Variants in RFX7 observed in about 807,000 individuals in gnomAD.
RFX7 encodes regulatory factor X7.
RFX7 carries 26 observed loss-of-function variants against 111.8 expected under a neutral mutation model. That is an observed-to-expected ratio of 0.23 (90% CI 0.17 to 0.32). RFX7 has a LOEUF of 0.32. Among genes scored for constraint, RFX7 ranks in the 10% least tolerant of loss-of-function variants. The probability of loss-of-function intolerance (pLI) is 1.00; values close to 1 mark genes in which losing one functional copy is unlikely to be tolerated. For missense variants in RFX7, 1,573 were observed against 1,772.9 expected (o/e 0.89, Z 2.02); for synonymous variants, 624 against 624.4 (o/e 1.00, Z 0.01).
intron 3 of RFX7, among the ~76,000 whole-genome samples, chr15:56,174,961 A>G (rs2141120050): frequency 6.6e-6 from 1 of 152,344 alleles, no homozygotes; most frequent in Non-Finnish European, 1.5e-5. Context: ...CCTATCTCCC[A>G]GAGGTCCTAG....
rs1461791580 is a variant in RFX7 at position 56,090,228 on chromosome 15, T to C, written c.*3117A>G. On this transcript the variant is annotated 3_prime_UTR_variant, in exon 10 of 10. Transcript: ENST00000559447. Reference sequence around the variant, plus strand: ...GAAATATACTTACCTAGGTACTCCATAGGCTAACATTTAAACACTATGTGA... The same window carrying C: ...GAAATATACTTACCTAGGTACTCCACAGGCTAACATTTAAACACTATGTGA... 2 of 152,326 alleles carry C rather than the reference T, an allele frequency of 1.3e-5. No individual in the cohort carries two copies. The highest frequency in any genetic ancestry group is 1.9e-4 in the East Asian group (1 of 5,190). The allele number at this position is 152,326 out of a possible 1,614,324, so 9.4% of individuals were successfully genotyped here.
At chr15:56,235,362 G>C (rs1160075391) in intron 2 of RFX7, among the ~76,000 whole-genome samples, 1 of 152,052 alleles carries the variant, frequency 6.6e-6, no homozygotes, top group Non-Finnish European at 1.5e-5. Flanking sequence ...TTTTAGTAGA[G>C]ACGGGGTTTC....
chr15:56,243,042 T>TAC, intron 2 of RFX7, 83 bp downstream of exon 2: 6 of 543,102 alleles, frequency 1.1e-5, no homozygotes, highest in Non-Finnish European at 2.0e-5. Flanking sequence ...CCTCCTCCGC[T>TAC]CCCCCCGCCC....
chr15:56,201,900 G>A (rs941096526), intron 2 of RFX7, among the ~76,000 whole-genome samples: 79 of 152,158 alleles, frequency 5.2e-4, no homozygotes, highest in African/African-American at 1.6e-3. Flanking sequence ...GCACGGTGGC[G>A]GGCGCCTATA....
At chr15:56,106,709 T>C (rs1446134978) in intron 5 of RFX7, among the ~76,000 whole-genome samples, 2 of 152,198 alleles carry the variant, frequency 1.3e-5, no homozygotes, top group African/African-American at 4.8e-5. Flanking sequence ...ATAGGACACC[T>C]TTCCCCATTA....
intron 2 of RFX7, among the ~76,000 whole-genome samples, chr15:56,237,764 A>G (rs1348239012): frequency 6.6e-6 from 1 of 152,228 alleles, no homozygotes; most frequent in Admixed American, 6.5e-5. Flanking sequence ...GAATTGCTTA[A>G]CTTGCAATTA....
chr15:56,115,427 C>T (rs1246457883), intron 5 of RFX7, among the ~76,000 whole-genome samples: 5 of 152,128 alleles, frequency 3.3e-5, no homozygotes, highest in Non-Finnish European at 7.3e-5. Context: ...ATAGTTGACA[C>T]GTGTGTGGTG....
intron 2 of RFX7, among the ~76,000 whole-genome samples, chr15:56,239,923 T>C (rs1337442185): frequency 6.6e-6 from 1 of 151,712 alleles, no homozygotes; most frequent in East Asian, 1.9e-4. Context: ...CACTAAAAAA[T>C]TTTCACTAAA....
intron 2 of RFX7, among the ~76,000 whole-genome samples, chr15:56,220,916 C>T (rs1391059685): frequency 6.6e-6 from 1 of 152,184 alleles, no homozygotes; most frequent in Non-Finnish European, 1.5e-5. Context: ...GTTATCCTAG[C>T]AACATTTATT....
At chr15:56,233,669 T>TA (rs1204538002) in intron 2 of RFX7, among the ~76,000 whole-genome samples, 1 of 152,122 alleles carries the variant, frequency 6.6e-6, no homozygotes, top group Non-Finnish European at 1.5e-5. Context: ...GAAATGAAAG[T>TA]AAATGAAATG....
intron 2 of RFX7, among the ~76,000 whole-genome samples, chr15:56,198,370 T>C (rs770371668): frequency 6.6e-6 from 1 of 152,138 alleles, no homozygotes; most frequent in Non-Finnish European, 1.5e-5. Flanking sequence ...AACGTATGTC[T>C]AGTTCAGTAT....
intron 5 of RFX7, among the ~76,000 whole-genome samples, chr15:56,142,448 T>G (rs1305696494): frequency 6.6e-6 from 1 of 152,176 alleles, no homozygotes; most frequent in African/African-American, 2.4e-5. Context: ...CCTTCCACTC[T>G]CTAACCCCAG....
intron 5 of RFX7, among the ~76,000 whole-genome samples, chr15:56,121,870 A>C (rs1193858998): frequency 6.6e-6 from 1 of 152,178 alleles, no homozygotes; most frequent in East Asian, 1.9e-4. Context: ...GCTTTTTAAA[A>C]ATTATTCAAT....
intron 5 of RFX7, among the ~76,000 whole-genome samples, chr15:56,139,695 G>C (rs368750543): frequency 7.2e-5 from 11 of 151,974 alleles, no homozygotes; most frequent in Non-Finnish European, 1.0e-4. Context: ...AGGCGCTCTG[G>C]TTTTTAGAGT....
chr15:56,161,098 G>A (rs1446378092), intron 3 of RFX7, among the ~76,000 whole-genome samples: 1 of 152,084 alleles, frequency 6.6e-6, no homozygotes, highest in Non-Finnish European at 1.5e-5. Flanking sequence ...TAAGGAGTAT[G>A]ATCTGAGTCA....
intron 5 of RFX7, among the ~76,000 whole-genome samples, chr15:56,130,097 G>A (rs1467503712): frequency 1.3e-5 from 2 of 152,124 alleles, no homozygotes; most frequent in Non-Finnish European, 2.9e-5. Context: ...AAAAAATACA[G>A]TAAGGAACTG....
At chr15:56,242,160 T>C (rs2043698982) in intron 2 of RFX7, among the ~76,000 whole-genome samples, 1 of 152,222 alleles carries the variant, frequency 6.6e-6, no homozygotes, top group Non-Finnish European at 1.5e-5. Flanking sequence ...TAAAATACCA[T>C]ATAAAATTCT....
At chr15:56,186,072 A>T (rs2043034984) in intron 2 of RFX7, among the ~76,000 whole-genome samples, 1 of 152,204 alleles carries the variant, frequency 6.6e-6, no homozygotes, top group Non-Finnish European at 1.5e-5. Flanking sequence ...TGTTATATCA[A>T]ATGAAACTCC....
At chr15:56,191,135 G>A (rs1260406766) in intron 2 of RFX7, among the ~76,000 whole-genome samples, 2 of 152,204 alleles carry the variant, frequency 1.3e-5, no homozygotes, top group Non-Finnish European at 2.9e-5. Flanking sequence ...AGGTAGGGAT[G>A]TAAAAGAAGA....
Sources: allele counts gnomAD v4.1 joint callset (sites outside exome capture counted in the v4.1 genomes callset), GRCh38; gene constraint gnomAD v4.1.1; transcripts MANE v1.5; gene names NCBI Gene and HGNC (gene_info 2026-07-23, HGNC 2026-07-21).